The following MAGI2 variants were observed in gnomAD, a reference collection of about 807,000 sequenced individuals.
MAGI2 encodes membrane associated guanylate kinase, WW and PDZ domain containing 2, also known as membrane-associated guanylate kinase, WW and PDZ domain-containing protein 2.
A neutral mutation model predicts 133.3 loss-of-function variants in MAGI2; 35 were observed. That is an observed-to-expected ratio of 0.26 (90% CI 0.20 to 0.35). MAGI2 has a LOEUF of 0.35. MAGI2 is among the 10% of genes least tolerant of loss of function. The pLI, the probability that MAGI2 is intolerant of heterozygous loss-of-function variation, is 1.00. For missense variants in MAGI2, 1,636 were observed against 1,863.4 expected, an observed-to-expected ratio of 0.88 and a Z score of 2.25; for synonymous variants, 729 against 710.6, an observed-to-expected ratio of 1.03 and a Z score of -0.41.
At chr7:78,261,627 T>G (rs766747586) in intron 9 of MAGI2, among the ~76,000 whole-genome samples, 10 of 152,098 alleles carry the variant, frequency 6.6e-5, no homozygotes, top group Non-Finnish European at 1.3e-4. Context: ...CTACCTCCAG[T>G]TTAGTGTTTC....
intron 2 of MAGI2, among the ~76,000 whole-genome samples, chr7:78,937,844 C>A (rs1042550399): frequency 6.6e-6 from 1 of 152,164 alleles, no homozygotes; most frequent in South Asian, 2.1e-4. Context: ...AAAGGATTAA[C>A]CTCCCAAGAT....
intron 9 of MAGI2, among the ~76,000 whole-genome samples, chr7:78,337,542 AC>A (rs1789899915): frequency 6.6e-6 from 1 of 152,220 alleles, no homozygotes; most frequent in African/African-American, 2.4e-5. Flanking sequence ...ATTAGAGATC[AC>A]CTAGAGCTGG....
At chr7:79,120,519 T>A (rs551767308) in intron 1 of MAGI2, among the ~76,000 whole-genome samples, 6 of 152,052 alleles carry the variant, frequency 3.9e-5, no homozygotes, top group Non-Finnish European at 8.8e-5. Flanking sequence ...CTAGTCCTTG[T>A]ACTACAAATA....
chr7:78,546,447 A>G (rs138593469), intron 3 of MAGI2, among the ~76,000 whole-genome samples: 2 of 152,332 alleles, frequency 1.3e-5, no homozygotes, highest in African/African-American at 4.8e-5. Flanking sequence ...ACTCTAAATT[A>G]AAGAAAAGCA....
At chr7:78,767,709 A>G (rs1312120511) in intron 2 of MAGI2, among the ~76,000 whole-genome samples, 1 of 152,230 alleles carries the variant, frequency 6.6e-6, no homozygotes, top group African/African-American at 2.4e-5. Flanking sequence ...ATTCAGTTAG[A>G]GTAAAATATG....
intron 1 of MAGI2, among the ~76,000 whole-genome samples, chr7:79,171,102 G>A (rs1323945442): frequency 6.6e-6 from 1 of 152,076 alleles, no homozygotes; most frequent in African/African-American, 2.4e-5. Flanking sequence ...CCATTACAAA[G>A]TACCATAAAC....
At chr7:78,182,429 C>T (rs894498302) in intron 13 of MAGI2, among the ~76,000 whole-genome samples, 2 of 152,160 alleles carry the variant, frequency 1.3e-5, no homozygotes, top group African/African-American at 2.4e-5. Context: ...TGACCAAGCA[C>T]GTGTTAGCCA....
At chr7:78,888,125 C>T (rs1224849822) in intron 2 of MAGI2, among the ~76,000 whole-genome samples, 1 of 152,214 alleles carries the variant, frequency 6.6e-6, no homozygotes. Flanking sequence ...CAGAACCTCG[C>T]TCATTGCTAG....
intron 1 of MAGI2, among the ~76,000 whole-genome samples, chr7:79,429,693 T>C (rs928112819): frequency 6.6e-6 from 1 of 152,192 alleles, no homozygotes; most frequent in Admixed American, 6.5e-5. Flanking sequence ...TGTTATTTTG[T>C]TTTAGAAGGA....
Position 78,022,386 on chromosome 7 carries a change from C to T in MAGI2, c.3707-2410G>A, listed in dbSNP as rs951966798. ...ACATATGGTAGAGTTAATTAGCTGG[C>T]CTCAAATTACTTCTTAGATAAGGGG... On this transcript the variant is annotated intron_variant, in intron 21 of 21. Coordinates refer to ENST00000354212, the MANE Select transcript of MAGI2 (RefSeq NM_012301.4). Among the ~76,000 whole-genome samples the T allele has an allele frequency of 3.9e-5, 6 of 152,164 alleles. No homozygotes were observed. The South Asian group carries it at 1.2e-3, about 32-fold the overall frequency.
intron 2 of MAGI2, among the ~76,000 whole-genome samples, chr7:78,791,103 A>G (rs1827207799): frequency 6.6e-6 from 1 of 152,360 alleles, no homozygotes; most frequent in Admixed American, 6.5e-5. Flanking sequence ...GAAAAACAAC[A>G]GGTTTGAGTA....
chr7:78,191,818 CT>C (rs920036325), intron 12 of MAGI2, among the ~76,000 whole-genome samples: 1 of 151,438 alleles, frequency 6.6e-6, no homozygotes, highest in Non-Finnish European at 1.5e-5. Context: ...AAAATCACAG[CT>C]TTTTTTTTCA....
chr7:78,918,062 C>A (rs533797794), intron 2 of MAGI2, among the ~76,000 whole-genome samples: 3 of 152,090 alleles, frequency 2.0e-5, no homozygotes, highest in Admixed American at 2.0e-4. Context: ...GGTGGCTGAA[C>A]GGAAAGTTCT....
At chr7:78,571,310 T>G (rs1801473833) in intron 3 of MAGI2, among the ~76,000 whole-genome samples, 1 of 152,190 alleles carries the variant, frequency 6.6e-6, no homozygotes, top group Admixed American at 6.5e-5. Context: ...TGGGGCCTCT[T>G]TGGCTCCTGT....
At chr7:78,703,527 A>G (rs757410747) in intron 2 of MAGI2, among the ~76,000 whole-genome samples, 8 of 151,986 alleles carry the variant, frequency 5.3e-5, no homozygotes, top group Non-Finnish European at 8.8e-5. Flanking sequence ...CATCTTCATA[A>G]CTCTGACTGT....
chr7:78,965,345 T>G (rs1344458035), intron 2 of MAGI2, among the ~76,000 whole-genome samples: 1 of 151,964 alleles, frequency 6.6e-6, no homozygotes, highest in Non-Finnish European at 1.5e-5. Context: ...AATTTTTTTT[T>G]TTATATTTCA....
At position 78,256,447 on chromosome 7, in the gene MAGI2, C is replaced by T. The variant is rs1217233819; in HGVS notation, c.1543G>A (p.Asp515Asn). Residue 515 changes from aspartate (D) to asparagine (N), a missense_variant, in exon 10 of 22, where the codon GAT becomes AAT. This residue lies in a region of MAGI2 where 920 missense variants were observed against 1,093.5 expected (regional missense o/e 0.84). Transcript: ENST00000354212. The stretch of plus-strand genomic sequence containing the variant: ...ATGCTGTTAGCAGGGTCTTCAGGAT[C>T]AAAGGGCAAAGGGTAGCCACGACAC... ...VLCRGYPLPF[D>N]PEDPANSMVP... is the part of the protein sequence containing the mutation. The T allele has an allele frequency of 6.2e-7, 1 of 1,613,732 alleles. No homozygotes were observed. Among genetic ancestry groups the T allele is most frequent in the Non-Finnish European group, 8.5e-7 (1 of 1,179,950 alleles).
At chr7:79,320,665 AT>A (rs1308064769) in intron 1 of MAGI2, among the ~76,000 whole-genome samples, 3 of 152,098 alleles carry the variant, frequency 2.0e-5, no homozygotes, top group African/African-American at 7.2e-5. Flanking sequence ...AAACAGTAGC[AT>A]TTTTGCATAG....
rs185603643 is a variant in MAGI2 at position 78,544,276 on chromosome 7, T to C, written c.539-22631A>G. 4.0e-4 allele frequency among the ~76,000 whole-genome samples: 61 copies of C among 152,368 alleles called. No individual in the cohort carries two copies. The East Asian group carries it at 7.1e-3, about 18-fold the overall frequency. On this transcript the variant is annotated intron_variant, in intron 3 of 21. Transcript: ENST00000354212. ...GTGTAATTCCTAAAAGACAGGTATC[T>C]GTGTCAGGAACACATGAATCCTTCA...
Sources: allele counts gnomAD v4.1 joint callset (sites outside exome capture counted in the v4.1 genomes callset), GRCh38; gene constraint gnomAD v4.1.1; regional missense constraint gnomAD v4.1.1; transcripts MANE v1.5; gene names NCBI Gene and HGNC (gene_info 2026-07-23, HGNC 2026-07-21).